Variants in CPA6 observed in about 807,000 individuals in gnomAD.
The protein encoded by CPA6 is carboxypeptidase A6, also known as carboxypeptidase B.
CPA6 carries 58 observed loss-of-function variants against 63.3 expected under a neutral mutation model. That is an observed-to-expected ratio of 0.92 (90% CI 0.74 to 1.14). The LOEUF (loss-of-function observed/expected upper bound fraction) is 1.14, where lower values mean the gene tolerates loss of function less well. Among genes scored for constraint, CPA6 ranks in the 50% most tolerant of loss-of-function variants. CPA6 has a pLI of 0.00. For synonymous variants in CPA6, 185 were observed against 179.0 expected, an observed-to-expected ratio of 1.03 and a Z score of -0.27; for missense variants, 565 against 526.6, an observed-to-expected ratio of 1.07 and a Z score of -0.71.
intron 2 of CPA6, among the ~76,000 whole-genome samples, chr8:67,594,781 C>G (rs1208244012): frequency 6.6e-6 from 1 of 152,124 alleles, no homozygotes; most frequent in African/African-American, 2.4e-5. Flanking sequence ...ATACATTTGT[C>G]TAAATTTTTT....
chr8:67,592,017 G>A (rs914115520), intron 2 of CPA6, among the ~76,000 whole-genome samples: 1 of 152,188 alleles, frequency 6.6e-6, no homozygotes, highest in African/African-American at 2.4e-5. Context: ...GATATTGGCT[G>A]TGGGTTTGTC....
At chr8:67,652,560 C>G (rs1815873152) in intron 1 of CPA6, among the ~76,000 whole-genome samples, 1 of 151,690 alleles carries the variant, frequency 6.6e-6, no homozygotes. Flanking sequence ...AGTGTCTGTT[C>G]ATATCCTTTG....
intron 1 of CPA6, among the ~76,000 whole-genome samples, chr8:67,687,998 A>C (rs1397242727): frequency 2.0e-5 from 3 of 152,116 alleles, no homozygotes; most frequent in African/African-American, 7.2e-5. Flanking sequence ...TAACATGGAA[A>C]AACCCCGTCC....
At chr8:67,568,453 CAAAT>C (rs550186228) in intron 2 of CPA6, among the ~76,000 whole-genome samples, 31 of 152,142 alleles carry the variant, frequency 2.0e-4, no homozygotes, top group African/African-American at 7.0e-4. Context: ...AGAAATTTGA[CAAAT>C]AAATAGAGAC....
intron 1 of CPA6, among the ~76,000 whole-genome samples, chr8:67,677,645 G>A (rs1482907374): frequency 6.6e-6 from 1 of 152,118 alleles, no homozygotes; most frequent in Non-Finnish European, 1.5e-5. Flanking sequence ...TAGATCCAAA[G>A]AGACATAGAT....
intron 2 of CPA6, among the ~76,000 whole-genome samples, chr8:67,566,338 T>C (rs112340109): frequency 6.6e-6 from 1 of 152,162 alleles, no homozygotes; most frequent in African/African-American, 2.4e-5. Flanking sequence ...GTGTACAGTG[T>C]CCCACCAGCA....
intron 6 of CPA6, among the ~76,000 whole-genome samples, chr8:67,506,058 TA>T (rs577123526): frequency 0.022 from 3,179 of 142,068 alleles, 33 homozygotes; most frequent in Middle Eastern, 0.033. Flanking sequence ...AAGTCAAGGT[TA>T]AAAAAAAAAA....
chr8:67,504,937 C>T (rs375260736), intron 6 of CPA6, among the ~76,000 whole-genome samples: 6 of 152,126 alleles, frequency 3.9e-5, no homozygotes, highest in African/African-American at 1.2e-4. Context: ...AATGATGTAT[C>T]GGTGGAAATG....
intron 2 of CPA6, among the ~76,000 whole-genome samples, chr8:67,561,178 G>A (rs1359064032): frequency 6.6e-6 from 1 of 151,954 alleles, no homozygotes; most frequent in African/African-American, 2.4e-5. Flanking sequence ...TTTAATCTTG[G>A]TGATTTGAAG....
intron 8 of CPA6, among the ~76,000 whole-genome samples, chr8:67,468,643 A>G (rs1370820401): frequency 6.6e-6 from 1 of 151,874 alleles, no homozygotes; most frequent in Non-Finnish European, 1.5e-5. Flanking sequence ...AATAAGAAAA[A>G]GAAATTCATG....
At chr8:67,737,527 C>T (rs529810832) in intron 1 of CPA6, among the ~76,000 whole-genome samples, 1 of 152,190 alleles carries the variant, frequency 6.6e-6, no homozygotes, top group African/African-American at 2.4e-5. Context: ...GTTAGGTGAC[C>T]CTCTCCTGCA....
At chr8:67,441,986 A>G (rs1279733848) in intron 8 of CPA6, among the ~76,000 whole-genome samples, 1 of 152,172 alleles carries the variant, frequency 6.6e-6, no homozygotes, top group Admixed American at 6.5e-5. Flanking sequence ...GACTTTATGT[A>G]TGTTTGGTCA....
At chr8:67,682,737 C>T (rs1177529778) in intron 1 of CPA6, among the ~76,000 whole-genome samples, 1 of 152,184 alleles carries the variant, frequency 6.6e-6, no homozygotes, top group Non-Finnish European at 1.5e-5. Context: ...TTTTCTACGG[C>T]TGCTTTTGTT....
chr8:67,637,981 T>TTGTGTA (rs1554528170), intron 1 of CPA6, among the ~76,000 whole-genome samples: 1 of 146,572 alleles, frequency 6.8e-6, no homozygotes, highest in African/African-American at 2.6e-5. Flanking sequence ...GCTAGAAATT[T>TTGTGTA]TGTGTGTGTG....
At chr8:67,484,506 A>G (rs1458563293) in intron 7 of CPA6, among the ~76,000 whole-genome samples, 173 bp downstream of exon 7, 1 of 152,202 alleles carries the variant, frequency 6.6e-6, no homozygotes, top group Non-Finnish European at 1.5e-5. Context: ...AGATGTGAAA[A>G]TGAAATCTAA....
At chr8:67,442,624 C>T (rs1810317992) in intron 8 of CPA6, among the ~76,000 whole-genome samples, 1 of 152,114 alleles carries the variant, frequency 6.6e-6, no homozygotes, top group Non-Finnish European at 1.5e-5. Flanking sequence ...GGTGGATGCG[C>T]CTAGAGTGGT....
intron 1 of CPA6, among the ~76,000 whole-genome samples, chr8:67,733,678 G>A (rs1229888739): frequency 2.6e-5 from 4 of 151,960 alleles, no homozygotes; most frequent in African/African-American, 9.7e-5. Context: ...CTATATCCCT[G>A]GGCCTTAAAA....
chr8:67,579,975 C>A (rs774058195), intron 2 of CPA6, among the ~76,000 whole-genome samples: 4 of 152,044 alleles, frequency 2.6e-5, no homozygotes, highest in African/African-American at 9.7e-5. Flanking sequence ...CCTAAATAAA[C>A]GAACATTGCA....
rs144201682 is a variant in CPA6, at chr8:67,622,362, G to A, written c.192+1814C>T. 1.2e-3 allele frequency among the ~76,000 whole-genome samples: 188 copies of A among 152,308 alleles called. 2 individuals are homozygous for A. The highest frequency in any genetic ancestry group is 9.1e-3 in the Admixed American group (139 of 15,296). ...AGCTACAATTGCTGAAAAGGATGTCGTTGGGTGAAGAGGTTAACGATAGCC... is the reference window on the plus strand; with the variant it reads ...AGCTACAATTGCTGAAAAGGATGTCATTGGGTGAAGAGGTTAACGATAGCC... On this transcript the variant is annotated intron_variant, in intron 2 of 10. Transcript: ENST00000297770.
Sources: allele counts gnomAD v4.1 joint callset (sites outside exome capture counted in the v4.1 genomes callset), GRCh38; gene constraint gnomAD v4.1.1; transcripts MANE v1.5; gene names NCBI Gene and HGNC (gene_info 2026-07-23, HGNC 2026-07-21).